Variants in MRM2 observed in about 807,000 individuals in gnomAD.
MRM2 encodes the protein rRNA methyltransferase 2, mitochondrial.
In MRM2, 15 loss-of-function variants were observed where a neutral mutation model predicts 10.9. That is an observed-to-expected ratio of 1.37 (90% CI 0.92 to 2.11). MRM2 has a LOEUF of 2.11. Ranked by LOEUF, MRM2 falls within the 30% of genes most tolerant of loss-of-function variation. The pLI, the probability that MRM2 is intolerant of heterozygous loss-of-function variation, is 0.00. For synonymous variants in MRM2, 139 were observed against 128.7 expected (o/e 1.08, Z -0.54); for missense variants, 328 against 321.3 (o/e 1.02, Z -0.16).
rs761658726 is a variant in MRM2, at chr7:2,235,519, TGAA to T, written c.341_343del (p.Leu114del). On this transcript the variant is annotated inframe_deletion, in exon 3 of 3. Transcript: ENST00000242257. Reference sequence around the variant, plus strand: ...AGTTGCTCCTTCCAGGGGGAATATGTGAAGAAGATCTACCCCAAGCACGAAGCC... The same window carrying T: ...AGTTGCTCCTTCCAGGGGGAATATGTGAAGATCTACCCCAAGCACGAAGCC... 2.7e-5 allele frequency: 44 copies of T among 1,613,356 alleles called. No homozygotes were observed. The highest frequency in any genetic ancestry group is 5.0e-5 in the Admixed American group (3 of 59,972).
intron 1 of MRM2, among the ~76,000 whole-genome samples, chr7:2,241,141 ACAGGT>A (rs1794525187): frequency 6.6e-6 from 1 of 151,748 alleles, no homozygotes; most frequent in Non-Finnish European, 1.5e-5. Flanking sequence ...AGCTGAGACT[ACAGGT>A]GTGTGCCACC....
intron 2 of MRM2, among the ~76,000 whole-genome samples, chr7:2,235,867 C>T (rs907908669): frequency 1.3e-5 from 2 of 152,198 alleles, no homozygotes; most frequent in Non-Finnish European, 2.9e-5. Context: ...AATCTGGTAT[C>T]ATTTCACTAC....
At chr7:2,241,939 C>T in intron 1 of MRM2, 2 of 481,340 alleles carry the variant, frequency 4.2e-6, no homozygotes, top group African/African-American at 2.0e-5. Context: ...CCGGCCCCGG[C>T]CTCCCCACGG....
At position 2,242,177 on chromosome 7, in the gene MRM2, C is replaced by T; in HGVS notation, c.-8G>A. 1 of 1,585,132 alleles carries T rather than the reference C, an allele frequency of 6.3e-7. No individual in the cohort carries two copies. On this transcript the variant is annotated 5_prime_UTR_variant, in exon 1 of 3. Transcript: ENST00000242257. ...CCCAGCTCACCCCGCCATTGGTGTT[C>T]CCCGCGCCTGCAGCGCGCCGCCGGA...
At position 2,235,119 on chromosome 7, in the gene MRM2, T is replaced by G; in HGVS notation, c.*3A>C. The G allele has an allele frequency of 6.2e-7, 1 of 1,605,832 alleles. No individual in the cohort carries two copies. Among genetic ancestry groups the G allele is most frequent in the Non-Finnish European group, 8.5e-7 (1 of 1,173,390 alleles). ...ACCATTATGAAAATGGCACAAGAAATCCTCACTGCTTCACAGTGCCCTTCC... is the reference window on the plus strand; with the variant it reads ...ACCATTATGAAAATGGCACAAGAAAGCCTCACTGCTTCACAGTGCCCTTCC... On this transcript the variant is annotated 3_prime_UTR_variant, in exon 3 of 3. Coordinates refer to ENST00000242257, the MANE Select transcript of MRM2 (RefSeq NM_013393.3).
chr7:2,239,202 G>A (rs1300413504), intron 2 of MRM2: 4 of 785,218 alleles, frequency 5.1e-6, no homozygotes, highest in African/African-American at 5.1e-5. Flanking sequence ...CTCATGCGAG[G>A]TGATTTCCAT....
At chr7:2,242,101 G>A in intron 1 of MRM2, 61 bp downstream of exon 1, 3 of 1,556,580 alleles carry the variant, frequency 1.9e-6, no homozygotes, top group Non-Finnish European at 2.6e-6. Flanking sequence ...CGAGGAAGGC[G>A]ACCGGGCGGA....
Position 2,234,258 on chromosome 7 carries a change from G to A in MRM2, c.*864C>T, listed in dbSNP as rs1412126687. On this transcript the variant is annotated 3_prime_UTR_variant, in exon 3 of 3. Transcript: ENST00000242257. ...ATAAAGCTGCGTCAAGTTCCTAGAT[G>A]AGTAAAAGAAAATAAACACACCACA... is the stretch of plus-strand genomic sequence containing the variant. 2 of 152,152 alleles carry A rather than the reference G, an allele frequency of 1.3e-5. No individual in the cohort carries two copies. Among genetic ancestry groups the A allele is most frequent in the African/African-American group, 4.8e-5 (2 of 41,418 alleles). The allele number at this position is 152,152 out of a possible 1,614,324, so 9.4% of individuals were successfully genotyped here. A position where few individuals can be genotyped will look rare whatever the true frequency, so the allele number is the denominator to read the frequency against.
Position 2,234,789 on chromosome 7 carries a change from T to G in MRM2, c.*333A>C. 3.0e-6 allele frequency: 1 copy of G among 338,190 alleles called. No homozygotes were observed. The highest frequency in any genetic ancestry group is 3.3e-5 in the South Asian group (1 of 30,600). The allele number at this position is 338,190 out of a possible 1,614,324, so 20.9% of individuals were successfully genotyped here. A position where few individuals can be genotyped will look rare whatever the true frequency, so the allele number is the denominator to read the frequency against. On this transcript the variant is annotated 3_prime_UTR_variant, in exon 3 of 3. Coordinates refer to ENST00000242257, the MANE Select transcript of MRM2 (RefSeq NM_013393.3). Reference sequence around the variant, plus strand: ...AGATGAAGTCCCGTCAAGGCACACATGGGCACACCCATCCCTGCCTCGGCG... The same window carrying G: ...AGATGAAGTCCCGTCAAGGCACACAGGGGCACACCCATCCCTGCCTCGGCG...
chr7:2,234,943 A>C lies in MRM2; in HGVS notation c.*179T>G. On this transcript the variant is annotated 3_prime_UTR_variant, in exon 3 of 3. Transcript: ENST00000242257. ...TTCATTTTCCATGGCCCCTGAACTT[A>C]GTTTTGTCATCTCTTTTTGGTTAAA... 1 of 596,448 alleles carries C rather than the reference A, an allele frequency of 1.7e-6. No homozygotes were observed. The highest frequency in any genetic ancestry group is 3.0e-6 in the Non-Finnish European group (1 of 337,984). The allele number at this position is 596,448 out of a possible 1,614,324, so 36.9% of individuals were successfully genotyped here.
At chr7:2,239,841 A>AAGGCCCAGGAGGGG (rs1794489905) in intron 1 of MRM2, 134 bp from the exon 2 acceptor site, 2 of 759,406 alleles carry the variant, frequency 2.6e-6, no homozygotes, top group African/African-American at 3.5e-5. Flanking sequence ...GTGAACTGAT[A>AAGGCCCAGGAGGGG]AGGCTACACA....
rs1330096331 is a variant in MRM2, at chr7:2,235,092, T to C, written c.*30A>G. ...ACGTTTCTAGCTTAAAAGGAGCTAA[T>C]GACCATTATGAAAATGGCACAAGAA... On this transcript the variant is annotated 3_prime_UTR_variant, in exon 3 of 3. Transcript: ENST00000242257. 1 of 1,542,340 alleles carries C rather than the reference T, an allele frequency of 6.5e-7. No homozygotes were observed. Among genetic ancestry groups the C allele is most frequent in the South Asian group, 1.1e-5 (1 of 88,124 alleles).
intron 2 of MRM2, among the ~76,000 whole-genome samples, chr7:2,237,343 A>G (rs556865089): frequency 1.3e-5 from 2 of 152,304 alleles, no homozygotes; most frequent in East Asian, 3.9e-4. Flanking sequence ...TATAATATCC[A>G]GTATGTTACA....
chr7:2,236,694 C>G (rs1417589249), intron 2 of MRM2, among the ~76,000 whole-genome samples: 1 of 152,172 alleles, frequency 6.6e-6, no homozygotes, highest in Non-Finnish European at 1.5e-5. Context: ...GAATGAAACA[C>G]GGTCCCTTTC....
intron 1 of MRM2, among the ~76,000 whole-genome samples, 156 bp from the exon 2 acceptor site, chr7:2,239,863 G>C (rs1794490376): frequency 1.3e-5 from 2 of 152,184 alleles, no homozygotes; most frequent in African/African-American, 4.8e-5. Flanking sequence ...ATGGAAAGCA[G>C]GCATCACAGG....
Position 2,235,401 on chromosome 7 carries a change from G to A in MRM2, c.462C>T (p.Asp154=). The A allele has an allele frequency of 6.2e-7, 1 of 1,614,120 alleles. No homozygotes were observed. The highest frequency in any genetic ancestry group is 8.5e-7 in the Non-Finnish European group (1 of 1,180,034). Residue 154 remains aspartate, a synonymous_variant, in exon 3 of 3, where the codon GAC becomes GAT. Coordinates refer to ENST00000242257, the MANE Select transcript of MRM2 (RefSeq NM_013393.3). The part of the protein sequence containing the change: ...PGRRADVILS[D]MAPNATGFRD... Reference sequence around the variant, plus strand: ...GGAACCCTGTGGCATTGGGCGCCATGTCGCTCAGAATCACATCTGCTCTCC... The same window carrying A: ...GGAACCCTGTGGCATTGGGCGCCATATCGCTCAGAATCACATCTGCTCTCC...
intron 2 of MRM2, among the ~76,000 whole-genome samples, chr7:2,237,466 T>C (rs1376247889): frequency 6.6e-6 from 1 of 152,170 alleles, no homozygotes; most frequent in Non-Finnish European, 1.5e-5. Context: ...CACTTCCTCC[T>C]ACAAGGCACG....
rs997295967 is a variant in MRM2, at chr7:2,234,983, A to AAG, written c.*137_*138dup. ...TTTTGGTTAAAAAGAGAGAGAGAGA[A>AAG]AGAGAGAGAGAGACTCCCCACTTGT... On this transcript the variant is annotated 3_prime_UTR_variant, in exon 3 of 3. Coordinates refer to ENST00000242257, the MANE Select transcript of MRM2 (RefSeq NM_013393.3). The AAG allele has an allele frequency of 9.3e-6, 6 of 647,956 alleles. No individual in the cohort carries two copies. Among genetic ancestry groups the AAG allele is most frequent in the East Asian group, 5.4e-5 (2 of 37,274 alleles). The allele number at this position is 647,956 out of a possible 1,614,324, so 40.1% of individuals were successfully genotyped here. A position where few individuals can be genotyped will look rare whatever the true frequency, so the allele number is the denominator to read the frequency against.
intron 2 of MRM2, among the ~76,000 whole-genome samples, chr7:2,237,751 G>T (rs1276591261): frequency 6.6e-6 from 1 of 152,028 alleles, no homozygotes; most frequent in Non-Finnish European, 1.5e-5. Flanking sequence ...AGACCAGCCT[G>T]GCCAACATGG....
Sources: allele counts gnomAD v4.1 joint callset (sites outside exome capture counted in the v4.1 genomes callset), GRCh38; gene constraint gnomAD v4.1.1; transcripts MANE v1.5; gene names NCBI Gene and HGNC (gene_info 2026-07-23, HGNC 2026-07-21).